The following USP50 variants were observed in gnomAD, a reference collection of about 807,000 sequenced individuals.
The protein encoded by USP50 is ubiquitin carboxyl-terminal hydrolase 50.
In USP50, 37 loss-of-function variants were observed where a neutral mutation model predicts 39.2. The observed-to-expected ratio is 0.94, with a 90% CI of 0.73 to 1.24. USP50 has a LOEUF of 1.24. USP50 is among the 50% of genes most tolerant of loss of function. USP50 has a pLI of 0.00. For synonymous variants in USP50, 139 were observed against 144.5 expected (o/e 0.96, Z 0.27); for missense variants, 374 against 398.2 (o/e 0.94, Z 0.52).
At chr15:50,499,294 A>G (rs149936619), downstream of USP50, 3,040 of 404,452 alleles carry the variant, frequency 7.5e-3, 15 homozygotes, top group Admixed American at 0.011. Flanking sequence ...TACAGGTACC[A>G]TTTATTTCAA....
At chr15:50,527,227 CGG>C (rs2052905253) in intron 6 of USP50, among the ~76,000 whole-genome samples, 1 of 152,090 alleles carries the variant, frequency 6.6e-6, no homozygotes, top group African/African-American at 2.4e-5. Context: ...TTTTCTGAGA[CGG>C]AGTCTCGTTC....
chr15:50,527,631 GT>G (rs1233370500), intron 6 of USP50, among the ~76,000 whole-genome samples: 1 of 147,616 alleles, frequency 6.8e-6, no homozygotes, highest in Non-Finnish European at 1.5e-5. Context: ...AAGATGCTTA[GT>G]TTTTTATTGT....
chr15:50,543,688 G>T lies in USP50; in HGVS notation c.354C>A (p.Asn118Lys), dbSNP rs962331862. 1 of 1,613,068 alleles carries T rather than the reference G, an allele frequency of 6.2e-7. No homozygotes were observed. The highest frequency in any genetic ancestry group is 2.2e-5 in the East Asian group (1 of 44,866). Reference protein sequence around the residue: ...SPEIFWSALGNLYPAFTKKMQ... With the variant: ...SPEIFWSALGKLYPAFTKKMQ... ...TCTTTTTCGTAAATGCTGGGTAGAG[G>T]TTGCCAAGAGCTGACCAGAATATTT... Residue 118 changes from asparagine to lysine, a missense_variant, in exon 3 of 7, where the codon AAC (asparagine) becomes AAA (lysine). Physicochemically the swap from Asn to Lys is moderately conservative, Grantham distance 94. Coordinates refer to ENST00000532404, the MANE Select transcript of USP50 (RefSeq NM_203494.5).
chr15:50,542,538 G>A (rs192068515), intron 3 of USP50, among the ~76,000 whole-genome samples: 7 of 144,884 alleles, frequency 4.8e-5, no homozygotes, highest in Non-Finnish European at 4.5e-5. Context: ...GTCCAGGCTG[G>A]AGTGCAGTGG....
At chr15:50,535,653 C>T (rs1212617246) in intron 5 of USP50, among the ~76,000 whole-genome samples, 1 of 152,188 alleles carries the variant, frequency 6.6e-6, no homozygotes, top group East Asian at 1.9e-4. Flanking sequence ...GTGGCTCACG[C>T]CTGTAATTCC....
chr15:50,495,240 ATATACGTG>A (rs1304839266), intron 1 of USP50, among the ~76,000 whole-genome samples: 639 of 59,826 alleles, frequency 0.011, 7 homozygotes, highest in African/African-American at 0.028. Flanking sequence ...GTGTATATAT[ATATACGTG>A]TATATATACA....
downstream of USP50, chr15:50,497,265 A>G (rs767654461): frequency 1.3e-6 from 2 of 1,563,574 alleles, no homozygotes; most frequent in South Asian, 2.4e-5. Flanking sequence ...TGTTCAGTGA[A>G]ATTAAATGAG....
chr15:50,544,723 G>C lies in USP50; in HGVS notation c.112C>G (p.Pro38Ala), dbSNP rs748975771. 6.2e-7 allele frequency: 1 copy of C among 1,614,022 alleles called. No homozygotes were observed. Reference sequence around the variant, plus strand: ...AAGCCAGTGACACCCTGAAAATGGGGCTGGTTCCCATCAGCCTCCTTAACT... The same window carrying C: ...AAGCCAGTGACACCCTGAAAATGGGCCTGGTTCCCATCAGCCTCCTTAACT... ...LPVKEADGNQ[P>A]HFQGVTGLWN... Residue 38 changes from proline (P) to alanine (A), a missense_variant, in exon 2 of 7, where the codon CCC becomes GCC. Pro to Ala is a conservative substitution (Grantham distance 27). Coordinates refer to ENST00000532404, the MANE Select transcript of USP50 (RefSeq NM_203494.5).
chr15:50,533,833 T>A (rs966071749), intron 5 of USP50, among the ~76,000 whole-genome samples: 3 of 152,136 alleles, frequency 2.0e-5, no homozygotes, highest in African/African-American at 7.2e-5. Context: ...AAACCCCGTC[T>A]CTACCAAAAA....
rs1566907656 is a variant in USP50, at chr15:50,525,630, ATATATGTATATGTG to A, written c.936+4153_936+4166del. ...TGTATATATGTATATATGTATATGT[ATATATGTATATGTG>A]TATATGTATATGTATATATGTATAT... On this transcript the variant is annotated intron_variant, in intron 6 of 6. Coordinates refer to ENST00000532404, the MANE Select transcript of USP50 (RefSeq NM_203494.5). Among the ~76,000 whole-genome samples the A allele has an allele frequency of 4.0e-5, 5 of 124,772 alleles. No individual in the cohort carries two copies. The South Asian group carries it at 7.4e-4, about 18-fold the overall frequency. 81.9% of individuals were successfully genotyped at this position (124,772 alleles called of 152,430 possible).
intron 3 of USP50, among the ~76,000 whole-genome samples, chr15:50,541,926 A>G (rs976552115): frequency 2.0e-5 from 3 of 151,978 alleles, no homozygotes; most frequent in Admixed American, 2.0e-4. Context: ...TTAAAAGAGC[A>G]AATCTTGGCC....
At chr15:50,536,947 T>C (rs2052984676) in intron 5 of USP50, among the ~76,000 whole-genome samples, 1 of 152,178 alleles carries the variant, frequency 6.6e-6, no homozygotes, top group Non-Finnish European at 1.5e-5. Flanking sequence ...ACAAAATGAT[T>C]CTAAAGTTTA....
intron 6 of USP50, among the ~76,000 whole-genome samples, chr15:50,526,756 C>T (rs1226258808): frequency 2.0e-5 from 3 of 152,106 alleles, no homozygotes; most frequent in Admixed American, 1.3e-4. Context: ...CGGTTTGGAG[C>T]CAGCCTGCCT....
intron 1 of USP50, among the ~76,000 whole-genome samples, chr15:50,545,236 AAT>A (rs2053062161): frequency 2.0e-5 from 3 of 152,162 alleles, no homozygotes; most frequent in Non-Finnish European, 4.4e-5. Flanking sequence ...TATTATTATT[AAT>A]AGTTAATAAA....
downstream of USP50, chr15:50,498,554 T>TATCTTCC (rs774541582): frequency 6.4e-7 from 1 of 1,552,106 alleles, no homozygotes; most frequent in Non-Finnish European, 8.7e-7. Flanking sequence ...TTCATCCTGG[T>TATCTTCC]ATCTTCCTCT....
intron 6 of USP50, among the ~76,000 whole-genome samples, chr15:50,526,302 C>T (rs1047175927): frequency 2.0e-5 from 3 of 152,152 alleles, no homozygotes; most frequent in African/African-American, 7.2e-5. Context: ...TCAAGCAATC[C>T]TCCTGTCTCA....
intron 5 of USP50, among the ~76,000 whole-genome samples, chr15:50,532,514 T>TCC (rs751076680): frequency 6.6e-6 from 1 of 151,826 alleles, no homozygotes; most frequent in South Asian, 2.1e-4. Flanking sequence ...ACGCTTCCCC[T>TCC]CCCCCTCCGC....
At chr15:50,530,393 C>G (rs941112050) in intron 5 of USP50, among the ~76,000 whole-genome samples, 2 of 151,896 alleles carry the variant, frequency 1.3e-5, no homozygotes, top group African/African-American at 4.8e-5. Context: ...ACCAGCTTGG[C>G]CAATATGGTG....
chr15:50,493,930 G>A, downstream of USP50: 1 of 1,008,250 alleles, frequency 9.9e-7, no homozygotes. Flanking sequence ...GAATCTGGTG[G>A]TGAGCCTGCA....
Sources: allele counts gnomAD v4.1 joint callset (sites outside exome capture counted in the v4.1 genomes callset), GRCh38; gene constraint gnomAD v4.1.1; transcripts MANE v1.5; gene names NCBI Gene and HGNC (gene_info 2026-07-23, HGNC 2026-07-21).